ACOT7: variants seen among roughly 807,000 people sequenced by gnomAD.
The protein encoded by ACOT7 is acyl-CoA thioesterase 7.
In ACOT7, 12 loss-of-function variants were observed where a neutral mutation model predicts 40.2. The observed-to-expected ratio is 0.30, with a 90% CI of 0.19 to 0.48. ACOT7 has a LOEUF of 0.48. ACOT7 is among the 20% of genes least tolerant of loss of function. The pLI is 0.99. For missense variants in ACOT7, 395 were observed against 530.8 expected, an observed-to-expected ratio of 0.74 and a Z score of 2.51; for synonymous variants, 228 against 219.5, an observed-to-expected ratio of 1.04 and a Z score of -0.34.
intron 1 of ACOT7, among the ~76,000 whole-genome samples, chr1:6,376,416 G>C (rs1331307723): frequency 2.6e-5 from 4 of 151,774 alleles, no homozygotes; most frequent in Non-Finnish European, 5.9e-5. Context: ...CTCGGTGACA[G>C]AGCAAGACTC....
intron 5 of ACOT7, among the ~76,000 whole-genome samples, chr1:6,318,889 C>T (rs1230527664): frequency 6.6e-6 from 1 of 152,168 alleles, no homozygotes; most frequent in Non-Finnish European, 1.5e-5. Context: ...CCCGGGGCTG[C>T]GTGTGACCCT....
chr1:6,330,423 G>T lies in ACOT7; in HGVS notation c.511-3010C>A, dbSNP rs915001680. 1.3e-5 allele frequency among the ~76,000 whole-genome samples: 2 copies of T among 152,190 alleles called. No individual in the cohort carries two copies. Among genetic ancestry groups the T allele is most frequent in the Admixed American group, 1.3e-4 (2 of 15,282 alleles). On this transcript the variant is annotated intron_variant, in intron 4 of 8. Transcript: ENST00000361521. This position sits in a 1 kb window ranked among gnomAD's most constrained non-coding sequence, Gnocchi z 4.6. ...ACTACGTGGGCCTAGCGTGTGTTGGGGGGAAGATGGTGCAAAGAGCTCTGA... is the reference window on the plus strand; with the variant it reads ...ACTACGTGGGCCTAGCGTGTGTTGGTGGGAAGATGGTGCAAAGAGCTCTGA...
chr1:6,270,403 G>A (rs1429592410), intron 8 of ACOT7, among the ~76,000 whole-genome samples: 1 of 152,206 alleles, frequency 6.6e-6, no homozygotes, highest in African/African-American at 2.4e-5. Context: ...AGCCTCTGGG[G>A]CACTGGCCAG....
At chr1:6,379,619 A>C (rs149493235) in intron 1 of ACOT7, among the ~76,000 whole-genome samples, 2,681 of 151,564 alleles carry the variant, frequency 0.018, 96 homozygotes, top group African/African-American at 0.062. Context: ...ATGCACCACC[A>C]CACCTGGCTA....
chr1:6,375,951 A>T (rs866429071), intron 1 of ACOT7, among the ~76,000 whole-genome samples: 18 of 143,818 alleles, frequency 1.3e-4, no homozygotes, highest in Middle Eastern at 8.5e-3. Context: ...AAAAAAAAAA[A>T]AATTTTTTTA....
At chr1:6,334,205 A>G (rs1390842923) in intron 3 of ACOT7, among the ~76,000 whole-genome samples, 1 of 152,244 alleles carries the variant, frequency 6.6e-6, no homozygotes, top group Non-Finnish European at 1.5e-5. Context: ...TGCTGGCTCA[A>G]GTCTCCAGCA....
intron 1 of ACOT7, chr1:6,385,833 C>T (rs960060839): frequency 1.2e-5 from 17 of 1,411,442 alleles, no homozygotes; most frequent in Middle Eastern, 2.6e-4. Context: ...CACCAGCCCC[C>T]GGCAAGCCGC....
intron 6 of ACOT7, among the ~76,000 whole-genome samples, chr1:6,315,612 G>A (rs112981608): frequency 0.06 from 9,060 of 151,864 alleles, 770 homozygotes; most frequent in African/African-American, 0.19. Context: ...TTATCTGGGC[G>A]TGGTGGCGGG....
At chr1:6,350,882 C>T (rs955905580) in intron 1 of ACOT7, among the ~76,000 whole-genome samples, 2 of 152,360 alleles carry the variant, frequency 1.3e-5, no homozygotes, top group Middle Eastern at 3.4e-3. Flanking sequence ...CCTGGGCAAG[C>T]TGTCAGAACC....
At position 6,340,837 on chromosome 1, in the gene ACOT7, A is replaced by T. The variant is rs529779934; in HGVS notation, c.262-1248T>A. Among the ~76,000 whole-genome samples the T allele has an allele frequency of 1.8e-3, 277 of 152,182 alleles. 2 individuals are homozygous for T. The highest frequency in any genetic ancestry group is 6.5e-3 in the African/African-American group (270 of 41,530). On this transcript the variant is annotated intron_variant, in intron 2 of 8. Coordinates refer to ENST00000361521, the MANE Select transcript of ACOT7 (RefSeq NM_007274.4). ...GATCACATGAGGCCAGGAGTTCGAGACCAGCCTGGCCAACATGGTGAAACT... is the reference window on the plus strand; with the variant it reads ...GATCACATGAGGCCAGGAGTTCGAGTCCAGCCTGGCCAACATGGTGAAACT...
intron 8 of ACOT7, among the ~76,000 whole-genome samples, chr1:6,270,704 A>C (rs1439961573): frequency 6.6e-6 from 1 of 152,198 alleles, no homozygotes; most frequent in Non-Finnish European, 1.5e-5. Context: ...GTGCCGGTGC[A>C]CGTGAGCTCC....
intron 8 of ACOT7, among the ~76,000 whole-genome samples, chr1:6,279,928 G>C (rs1033628353): frequency 1.3e-5 from 2 of 152,234 alleles, no homozygotes; most frequent in Non-Finnish European, 2.9e-5. Context: ...GGAAGCGACA[G>C]GCCGTGCTCC....
intron 4 of ACOT7, among the ~76,000 whole-genome samples, chr1:6,333,093 T>C (rs974939600): frequency 3.3e-5 from 5 of 152,218 alleles, no homozygotes; most frequent in African/African-American, 1.2e-4. Context: ...CATGTCACTA[T>C]CACGATCCTG....
chr1:6,281,088 G>A lies in ACOT7; in HGVS notation c.1014+14C>T. 6.2e-7 allele frequency: 1 copy of A among 1,611,748 alleles called. No homozygotes were observed. The highest frequency in any genetic ancestry group is 1.3e-5 in the African/African-American group (1 of 75,034). On this transcript the variant is annotated intron_variant, in intron 8 of 8. Transcript: ENST00000361521. Reference sequence around the variant, plus strand: ...TGGCAGGGAGGGGCCGCCGTTCCAAGGATGCGCACTCACCACCAGCTGGGG... The same window carrying A: ...TGGCAGGGAGGGGCCGCCGTTCCAAAGATGCGCACTCACCACCAGCTGGGG...
intron 6 of ACOT7, among the ~76,000 whole-genome samples, chr1:6,305,484 C>T (rs1376391514): frequency 4.0e-5 from 6 of 151,266 alleles, no homozygotes; most frequent in South Asian, 2.1e-4. Context: ...GGGTGGCTGC[C>T]GGGCGGAGGG....
rs533910692 is a variant in ACOT7 at position 6,370,977 on chromosome 1, A to C, written c.144-21111T>G. Among the ~76,000 whole-genome samples the C allele has an allele frequency of 2.6e-3, 393 of 149,516 alleles. 1 individual carries two copies. Among genetic ancestry groups the C allele is most frequent in the African/African-American group, 9.0e-3 (365 of 40,516 alleles). ...AGGCGCCTGCCACTGCGCCTGGCTA[A>C]TTTTTATATTTTTAGTAGAGACAGG... On this transcript the variant is annotated intron_variant, in intron 1 of 8. Coordinates refer to ENST00000361521, the MANE Select transcript of ACOT7 (RefSeq NM_007274.4).
Position 6,327,423 on chromosome 1 carries a change from A to G in ACOT7, c.511-10T>C. ...GCTCCTGCCGGGAATACTGCGAGAAACCAAAGACAGGTCAGGCCCAGGCAG... is the reference window on the plus strand; with the variant it reads ...GCTCCTGCCGGGAATACTGCGAGAAGCCAAAGACAGGTCAGGCCCAGGCAG... On this transcript the variant is annotated splice_polypyrimidine_tract_variant and intron_variant, in intron 4 of 8. Transcript: ENST00000361521. The G allele has an allele frequency of 6.2e-7, 1 of 1,613,720 alleles. No individual in the cohort carries two copies. Among genetic ancestry groups the G allele is most frequent in the Non-Finnish European group, 8.5e-7 (1 of 1,179,872 alleles).
At chr1:6,385,591 GGCCA>G in intron 1 of ACOT7, 3 of 1,612,192 alleles carry the variant, frequency 1.9e-6, no homozygotes, top group Non-Finnish European at 2.5e-6. Context: ...ACACATCCCT[GGCCA>G]GCCACCAGCC....
At chr1:6,307,957 C>A (rs764631598) in intron 6 of ACOT7, among the ~76,000 whole-genome samples, 1 of 150,326 alleles carries the variant, frequency 6.7e-6, no homozygotes, top group Admixed American at 6.6e-5. Flanking sequence ...GCAGAAGGAA[C>A]AGCAACAGGT....
Sources: gnomAD v4.1 joint callset for allele counts (sites outside exome capture counted in the v4.1 genomes callset) on GRCh38, gnomAD v4.1.1 for gene constraint, Gnocchi (gnomAD v3.1) non-coding constraint, MANE v1.5 for transcripts, NCBI Gene and HGNC (gene_info 2026-07-23, HGNC 2026-07-21) for gene names.